DUSP16: variants seen among roughly 807,000 people sequenced by gnomAD.
DUSP16 encodes dual specificity phosphatase 16.
DUSP16 carries 21 observed loss-of-function variants against 58.3 expected under a neutral mutation model. That is an observed-to-expected ratio of 0.36 (90% CI 0.26 to 0.52). The LOEUF is 0.52. Among genes scored for constraint, DUSP16 ranks in the 20% least tolerant of loss-of-function variants. The pLI, the probability that DUSP16 is intolerant of heterozygous loss-of-function variation, is 0.94. For synonymous variants in DUSP16, 320 were observed against 323.8 expected, an observed-to-expected ratio of 0.99 and a Z score of 0.12; for missense variants, 726 against 819.0, an observed-to-expected ratio of 0.89 and a Z score of 1.39.
intron 2 of DUSP16, among the ~76,000 whole-genome samples, chr12:12,520,377 A>G (rs1333836212): frequency 1.3e-5 from 2 of 152,202 alleles, no homozygotes; most frequent in African/African-American, 4.8e-5. Context: ...TTAAAACATG[A>G]GCTCATTTGT....
intron 3 of DUSP16, among the ~76,000 whole-genome samples, chr12:12,515,007 G>T (rs977083840): frequency 1.3e-5 from 2 of 152,022 alleles, no homozygotes; most frequent in African/African-American, 4.8e-5. Flanking sequence ...CAGGAAGTTG[G>T]TCTTCTCTAC....
At chr12:12,552,443 C>CA (rs1353299565) in intron 1 of DUSP16, among the ~76,000 whole-genome samples, 16 of 150,330 alleles carry the variant, frequency 1.1e-4, no homozygotes, top group Admixed American at 2.7e-4. Flanking sequence ...GAGACTATCT[C>CA]AAAAAAATAA....
chr12:12,532,469 T>C (rs964759695), intron 1 of DUSP16, among the ~76,000 whole-genome samples: 1 of 152,200 alleles, frequency 6.6e-6, no homozygotes, highest in Admixed American at 6.5e-5. Flanking sequence ...TGGATATGTA[T>C]AAAACATAGT....
At chr12:12,484,858 C>T (rs1461249973) in intron 5 of DUSP16, among the ~76,000 whole-genome samples, 8 of 152,072 alleles carry the variant, frequency 5.3e-5, no homozygotes, top group Non-Finnish European at 8.8e-5. Context: ...GTGATCCCCC[C>T]ATCTCGGCCT....
At chr12:12,547,725 GA>G (rs1244202863) in intron 1 of DUSP16, among the ~76,000 whole-genome samples, 1 of 152,006 alleles carries the variant, frequency 6.6e-6, no homozygotes, top group African/African-American at 2.4e-5. Flanking sequence ...TCAAAAGTTA[GA>G]AAATCAAAGA....
intron 4 of DUSP16, among the ~76,000 whole-genome samples, chr12:12,499,966 C>T (rs1162218247): frequency 1.3e-5 from 2 of 151,754 alleles, no homozygotes; most frequent in Admixed American, 6.6e-5. Context: ...ATAATCCATG[C>T]TCTTCCCTCT....
chr12:12,546,805 G>A (rs1944647145), intron 1 of DUSP16, among the ~76,000 whole-genome samples: 1 of 152,118 alleles, frequency 6.6e-6, no homozygotes, highest in African/African-American at 2.4e-5. Flanking sequence ...GGCACCATAT[G>A]GCAATAATAT....
chr12:12,536,468 G>C (rs2136246768), intron 1 of DUSP16, among the ~76,000 whole-genome samples: 1 of 152,314 alleles, frequency 6.6e-6, no homozygotes, highest in East Asian at 1.9e-4. Context: ...AAATAGGCCG[G>C]GCACAGTGGC....
intron 3 of DUSP16, among the ~76,000 whole-genome samples, chr12:12,512,230 A>C (rs889867109): frequency 6.6e-6 from 1 of 152,224 alleles, no homozygotes; most frequent in Non-Finnish European, 1.5e-5. Context: ...TATGATTAAC[A>C]AACAAAAATT....
At chr12:12,515,615 A>AATT (rs1402133553) in intron 3 of DUSP16, among the ~76,000 whole-genome samples, 2 of 151,904 alleles carry the variant, frequency 1.3e-5, no homozygotes, top group Non-Finnish European at 2.9e-5. Flanking sequence ...GGTGTGAGCC[A>AATT]CCGCACCTGG....
At position 12,526,282 on chromosome 12, in the gene DUSP16, C is replaced by T. The variant is rs1485890347; in HGVS notation, c.-365-4819G>A. 3.7e-5 allele frequency among the ~76,000 whole-genome samples: 5 copies of T among 136,608 alleles called. No individual in the cohort carries two copies. The East Asian group carries it at 8.9e-4, about 24-fold the overall frequency. 89.6% of individuals were successfully genotyped at this position (136,608 alleles called of 152,430 possible). ...CACAAGTTGTATAACAACTTTCCCC[C>T]TTTAATATACAATTTTGTCTGTTTT... On this transcript the variant is annotated intron_variant, in intron 1 of 6. Coordinates refer to ENST00000298573, the MANE Select transcript of DUSP16 (RefSeq NM_030640.3).
chr12:12,500,763 G>A, intron 3 of DUSP16, 81 bp from the exon 4 acceptor site: 3 of 1,308,646 alleles, frequency 2.3e-6, no homozygotes, highest in Non-Finnish European at 3.0e-6. Context: ...TGCTCAAACA[G>A]TTTAAACCCA....
chr12:12,553,901 A>G (rs1944770234), intron 1 of DUSP16, among the ~76,000 whole-genome samples: 3 of 152,136 alleles, frequency 2.0e-5, no homozygotes, highest in Admixed American at 2.0e-4. Flanking sequence ...GAACTTATAG[A>G]AAATGTCAAG....
At chr12:12,484,926 A>G (rs1160422588) in intron 5 of DUSP16, among the ~76,000 whole-genome samples, 1 of 151,826 alleles carries the variant, frequency 6.6e-6, no homozygotes, top group African/African-American at 2.4e-5. Flanking sequence ...GTTATTTTTT[A>G]AAGAGACAAA....
In DUSP16 at chr12:12,476,783, T is replaced by C; in HGVS notation, c.*50A>G. 1 of 1,496,160 alleles carries C rather than the reference T, an allele frequency of 6.7e-7. No individual in the cohort carries two copies. Among genetic ancestry groups the C allele is most frequent in the South Asian group, 1.3e-5 (1 of 75,466 alleles). 92.7% of individuals were successfully genotyped at this position (1,496,160 alleles called of 1,614,324 possible). On this transcript the variant is annotated 3_prime_UTR_variant, in exon 7 of 7. Coordinates refer to ENST00000298573, the MANE Select transcript of DUSP16 (RefSeq NM_030640.3). ...ATTTCAGATTTACAGGGAATTTTTT[T>C]GTGAACAAGAAAAAAAAATTGTCTA...
chr12:12,515,996 G>A (rs563778011), intron 3 of DUSP16, among the ~76,000 whole-genome samples: 4 of 151,662 alleles, frequency 2.6e-5, no homozygotes, highest in East Asian at 3.9e-4. Flanking sequence ...GGCTGGTCTC[G>A]AACTCCTGAC....
intron 1 of DUSP16, among the ~76,000 whole-genome samples, chr12:12,542,205 C>G (rs1944570021): frequency 6.6e-6 from 1 of 151,890 alleles, no homozygotes; most frequent in Admixed American, 6.6e-5. Flanking sequence ...GAAATCCCGT[C>G]TCTACTACAA....
intron 1 of DUSP16, among the ~76,000 whole-genome samples, chr12:12,545,494 C>T (rs1047471439): frequency 1.3e-5 from 2 of 148,922 alleles, no homozygotes; most frequent in Non-Finnish European, 3.0e-5. Context: ...GTTTACCAGG[C>T]TAGTCTCAAA....
At chr12:12,491,387 C>T (rs1943759245) in intron 4 of DUSP16, 1 of 151,978 alleles carries the variant, frequency 6.6e-6, no homozygotes, top group South Asian at 2.1e-4. Flanking sequence ...TGAGATGGAA[C>T]TATAATTATG....
Sources: allele counts gnomAD v4.1 joint callset (sites outside exome capture counted in the v4.1 genomes callset), GRCh38; gene constraint gnomAD v4.1.1; transcripts MANE v1.5; gene names NCBI Gene and HGNC (gene_info 2026-07-23, HGNC 2026-07-21).